Variants in FAM168A observed in about 807,000 individuals in gnomAD.
FAM168A encodes family with sequence similarity 168 member A.
A neutral mutation model predicts 28.5 loss-of-function variants in FAM168A; 3 were observed. That is an observed-to-expected ratio of 0.11 (90% CI 0.05 to 0.27). FAM168A has a LOEUF of 0.27. Among genes scored for constraint, FAM168A ranks in the 10% least tolerant of loss-of-function variants. The pLI, the probability that FAM168A is intolerant of heterozygous loss-of-function variation, is 1.00. For synonymous variants in FAM168A, 122 were observed against 124.2 expected (o/e 0.98, Z 0.12); for missense variants, 222 against 311.5 (o/e 0.71, Z 2.16).
chr11:73,532,565 C>A (rs1943526419), intron 1 of FAM168A, among the ~76,000 whole-genome samples: 1 of 152,172 alleles, frequency 6.6e-6, no homozygotes, highest in Admixed American at 6.5e-5. Context: ...ATCTTTAGAG[C>A]TTCCACTAAA....
chr11:73,407,461 G>A, intron 7 of FAM168A, 52 bp downstream of exon 7: 1 of 1,299,674 alleles, frequency 7.7e-7, no homozygotes, highest in Non-Finnish European at 1.0e-6. Flanking sequence ...GGACTTTGAG[G>A]CAGTTCCTGT....
At chr11:73,430,020 C>T (rs1307677053) in intron 3 of FAM168A, 3 of 152,444 alleles carry the variant, frequency 2.0e-5, no homozygotes, top group African/African-American at 4.8e-5. Flanking sequence ...ACCACAGAGC[C>T]CATACTCTTT....
intron 1 of FAM168A, among the ~76,000 whole-genome samples, chr11:73,591,434 A>G (rs1033220624): frequency 6.6e-6 from 1 of 152,154 alleles, no homozygotes; most frequent in African/African-American, 2.4e-5. Context: ...TGCCATAGAC[A>G]CTCAAATGTT....
intron 2 of FAM168A, among the ~76,000 whole-genome samples, chr11:73,443,143 T>G (rs76033862): frequency 6.6e-6 from 1 of 151,738 alleles, no homozygotes; most frequent in Non-Finnish European, 1.5e-5. Context: ...CAACCTTTCT[T>G]AGCCCTTTCC....
intron 1 of FAM168A, among the ~76,000 whole-genome samples, chr11:73,484,556 A>ATC (rs1565265726): frequency 7.0e-5 from 10 of 143,848 alleles, no homozygotes; most frequent in African/African-American, 2.5e-4. Context: ...ATCTATATCT[A>ATC]TATATCTATA....
At position 73,404,642 on chromosome 11, in the gene FAM168A, C is replaced by A. The variant is rs1024875340; in HGVS notation, c.*2121G>T. The A allele has an allele frequency of 2.6e-5, 4 of 152,168 alleles. No individual in the cohort carries two copies. Among genetic ancestry groups the A allele is most frequent in the Admixed American group, 6.5e-5 (1 of 15,282 alleles). 9.4% of individuals were successfully genotyped at this position (152,168 alleles called of 1,614,324 possible). On this transcript the variant is annotated 3_prime_UTR_variant, in exon 8 of 8. Transcript: ENST00000356467. ...ATAATTTAGAACAGCTGAATTTTTT[C>A]TTACTGGTCCTAAAGTTCCTTGGAA...
chr11:73,484,741 G>GAT (rs1868030850), intron 1 of FAM168A, among the ~76,000 whole-genome samples: 1 of 143,580 alleles, frequency 7.0e-6, no homozygotes, highest in African/African-American at 2.6e-5. Flanking sequence ...TCGATATATA[G>GAT]ATATATAGAT....
intron 1 of FAM168A, among the ~76,000 whole-genome samples, chr11:73,556,744 G>A (rs1943896035): frequency 6.6e-6 from 1 of 152,102 alleles, no homozygotes; most frequent in Admixed American, 6.6e-5. Flanking sequence ...TTGAGGGCCA[G>A]GTGCAGTGGC....
chr11:73,521,076 T>C (rs1460814263), intron 1 of FAM168A, among the ~76,000 whole-genome samples: 2 of 152,224 alleles, frequency 1.3e-5, no homozygotes, highest in Non-Finnish European at 2.9e-5. Flanking sequence ...TTCATTGTGA[T>C]AAAATAGTTT....
At position 73,494,866 on chromosome 11, in the gene FAM168A, G is replaced by A. The variant is rs182498673; in HGVS notation, c.-18-26374C>T. Among the ~76,000 whole-genome samples, 407 of 152,154 alleles carry A rather than the reference G, an allele frequency of 2.7e-3. 5 individuals are homozygous for A. The highest frequency in any genetic ancestry group is 8.5e-3 in the African/African-American group (354 of 41,510). On this transcript the variant is annotated intron_variant, in intron 1 of 7. Transcript: ENST00000356467. ...AATACAAAAATTAGCCAGGTGTGGGGGCCCATGCCTGTAATCCCAGCTACT... is the reference window on the plus strand; with the variant it reads ...AATACAAAAATTAGCCAGGTGTGGGAGCCCATGCCTGTAATCCCAGCTACT...
At chr11:73,478,544 A>G (rs1867924435) in intron 1 of FAM168A, among the ~76,000 whole-genome samples, 1 of 152,228 alleles carries the variant, frequency 6.6e-6, no homozygotes, top group Admixed American at 6.5e-5. Context: ...TGGTGGTTAC[A>G]AAATTCTGTA....
At chr11:73,552,208 G>A (rs1374410292) in intron 1 of FAM168A, among the ~76,000 whole-genome samples, 1 of 152,128 alleles carries the variant, frequency 6.6e-6, no homozygotes, top group East Asian at 1.9e-4. Context: ...TACAAACTGT[G>A]AACTTGGGCA....
chr11:73,466,415 T>A (rs147455880), intron 2 of FAM168A, among the ~76,000 whole-genome samples: 1 of 152,334 alleles, frequency 6.6e-6, no homozygotes, highest in East Asian at 1.9e-4. Flanking sequence ...AGAAGCTATA[T>A]ACATTAGTCA....
chr11:73,511,931 T>C (rs1254072733), intron 1 of FAM168A, among the ~76,000 whole-genome samples: 1 of 152,204 alleles, frequency 6.6e-6, no homozygotes, highest in Non-Finnish European at 1.5e-5. Context: ...TTAATCCTAA[T>C]ATAAAGTATG....
intron 1 of FAM168A, among the ~76,000 whole-genome samples, chr11:73,482,963 C>G (rs180792516): frequency 9.7e-4 from 148 of 152,252 alleles, no homozygotes; most frequent in African/African-American, 3.4e-3. Context: ...TGGTCTCCAA[C>G]TCCTGTCCTC....
In FAM168A at chr11:73,401,104, A is replaced by ATTATTATTATTATTATT. The variant is rs1555014482; in HGVS notation, c.*5658_*5659insAATAATAATAATAATAA. ...GTTTATTATTATTATTATTATTATT[A>ATTATTATTATTATTATT]TTATTATTTTAAATTTTATTTCTTT... On this transcript the variant is annotated 3_prime_UTR_variant, in exon 8 of 8. Coordinates refer to ENST00000356467, the MANE Select transcript of FAM168A (RefSeq NM_015159.3). 1.2e-4 allele frequency: 18 copies of ATTATTATTATTATTATT among 149,234 alleles called. No individual in the cohort carries two copies. Among genetic ancestry groups the ATTATTATTATTATTATT allele is most frequent in the African/African-American group, 4.4e-4 (18 of 41,002 alleles). The allele number at this position is 149,234 out of a possible 1,614,324, so 9.2% of individuals were successfully genotyped here. A position where few individuals can be genotyped will look rare whatever the true frequency, so the allele number is the denominator to read the frequency against.
At chr11:73,496,915 ACG>A (rs1277054104) in intron 1 of FAM168A, among the ~76,000 whole-genome samples, 1,906 of 151,574 alleles carry the variant, frequency 0.013, 38 homozygotes, top group African/African-American at 0.043. Context: ...ACGCACACAC[ACG>A]CACACACACA....
chr11:73,414,065 A>G lies in FAM168A; in HGVS notation c.278-2529T>C, dbSNP rs7926452. On this transcript the variant is annotated intron_variant, in intron 4 of 7. Coordinates refer to ENST00000356467, the MANE Select transcript of FAM168A (RefSeq NM_015159.3). ...GTGACAGAGCAGGACCCTGTCTCTT[A>G]AAGAAGGTGGGGAGGTGAACTGTGA... 8.7e-3 allele frequency among the ~76,000 whole-genome samples: 1,329 copies of G among 152,292 alleles called. 21 individuals are homozygous for G. Among genetic ancestry groups the G allele is most frequent in the African/African-American group, 0.03 (1,243 of 41,564 alleles).
At chr11:73,455,975 C>A (rs1172903837) in intron 2 of FAM168A, among the ~76,000 whole-genome samples, 1 of 152,054 alleles carries the variant, frequency 6.6e-6, no homozygotes, top group Non-Finnish European at 1.5e-5. Flanking sequence ...TCAGCATGAA[C>A]AAAGAAAAAA....
Sources: allele counts gnomAD v4.1 joint callset (sites outside exome capture counted in the v4.1 genomes callset), GRCh38; gene constraint gnomAD v4.1.1; transcripts MANE v1.5; gene names NCBI Gene and HGNC (gene_info 2026-07-23, HGNC 2026-07-21).